The following SLC28A3 variants were observed in gnomAD, a reference collection of about 807,000 sequenced individuals.
SLC28A3 encodes concentrative Na(+)-nucleoside cotransporter 3.
Under a neutral mutation model 84.2 loss-of-function variants are expected in SLC28A3, and 68 were observed. The ratio of observed to expected loss-of-function variants is 0.81; its 90% CI spans 0.66 to 0.99. The LOEUF (loss-of-function observed/expected upper bound fraction) is 0.99, where lower values mean the gene tolerates loss of function less well. Ranked by LOEUF, SLC28A3 falls within the 50% of genes least tolerant of loss-of-function variation. The pLI is 0.00. For synonymous variants in SLC28A3, 267 were observed against 303.6 expected, an observed-to-expected ratio of 0.88 and a Z score of 1.25; for missense variants, 712 against 841.5, an observed-to-expected ratio of 0.85 and a Z score of 1.90.
At chr9:84,278,589 A>G (rs1488670982) in intron 17 of SLC28A3, among the ~76,000 whole-genome samples, 1 of 152,208 alleles carries the variant, frequency 6.6e-6, no homozygotes. Flanking sequence ...AATCCTTATA[A>G]AACACTTGCA....
At chr9:84,354,625 A>G in the SLC28A3 span, among the ~76,000 whole-genome samples, 15 of 152,370 alleles carry the variant, frequency 9.8e-5, no homozygotes, top group Middle Eastern at 6.8e-3. Context: ...CGGCAGGCAG[A>G]TGGCTTGAGC....
At chr9:84,346,989 A>G in the SLC28A3 span, among the ~76,000 whole-genome samples, 1 of 152,128 alleles carries the variant, frequency 6.6e-6, no homozygotes, top group African/African-American at 2.4e-5. Flanking sequence ...AGCCTGGCCA[A>G]CATGGTAAAA....
chr9:84,288,172 A>G lies in SLC28A3; in HGVS notation c.1156T>C (p.Ser386Pro), dbSNP rs200451512. ...LGAYISFGVP[S>P]SHLLTASVMS... ...ACTGACGCTGTTAACAAGTGGGAGG[A>G]TGGAACCTGCAATTTCAGAAGAAAG... The change falls in exon 12 of 18, where the codon TCC becomes CCC. Residue 386 changes from serine to proline, a missense_variant. Ser to Pro is a moderately conservative substitution (Grantham distance 74). Transcript: ENST00000376238. The G allele has an allele frequency of 6.4e-5, 104 of 1,613,894 alleles. No individual in the cohort carries two copies. Among genetic ancestry groups the G allele is most frequent in the Non-Finnish European group, 8.6e-5 (101 of 1,179,908 alleles).
At chr9:84,364,151 G>C in the SLC28A3 span, among the ~76,000 whole-genome samples, 1 of 123,248 alleles carries the variant, frequency 8.1e-6, no homozygotes, top group African/African-American at 3.3e-5. Flanking sequence ...TTGAGATGGC[G>C]TCTTGCTCTG....
chr9:84,339,624 T>A (rs1374124265), intron 1 of SLC28A3, among the ~76,000 whole-genome samples: 1 of 152,216 alleles, frequency 6.6e-6, no homozygotes, highest in Admixed American at 6.5e-5. Context: ...TGGTTTAATT[T>A]GCAGGCCTCA....
chr9:84,361,722 T>A, the SLC28A3 span, among the ~76,000 whole-genome samples: 10 of 151,478 alleles, frequency 6.6e-5, no homozygotes, highest in African/African-American at 2.2e-4. Context: ...AAAGAGGCAA[T>A]ATGAACTTCT....
chr9:84,365,858 C>A, the SLC28A3 span, among the ~76,000 whole-genome samples: 1 of 152,026 alleles, frequency 6.6e-6, no homozygotes, highest in Non-Finnish European at 1.5e-5. Context: ...CGAGACCAGC[C>A]TGACCAACAT....
chr9:84,307,146 A>AAAAC (rs1825822639), intron 3 of SLC28A3, among the ~76,000 whole-genome samples: 1 of 149,436 alleles, frequency 6.7e-6, no homozygotes, highest in Non-Finnish European at 1.5e-5. Flanking sequence ...AAAAAAAAAA[A>AAAAC]AAGGCCAGGC....
Position 84,278,215 on chromosome 9 carries a change from AC to A in SLC28A3, c.*2del, listed in dbSNP as rs779017270. 6.2e-7 allele frequency: 1 copy of A among 1,612,950 alleles called. No individual in the cohort carries two copies. ...CAGAGTTCCACTGGAGAAGTGGCTG[AC>A]CTCAAAATGTATTAGAGATCCCATT... On this transcript the variant is annotated 3_prime_UTR_variant, in exon 18 of 18. Transcript: ENST00000376238.
At chr9:84,344,665 A>T (rs1206969573), upstream of SLC28A3, among the ~76,000 whole-genome samples, 1 of 151,832 alleles carries the variant, frequency 6.6e-6, no homozygotes, top group East Asian at 1.9e-4. Flanking sequence ...ATAAAACTTC[A>T]GAAGAACTTT....
chr9:84,361,196 T>G, the SLC28A3 span, among the ~76,000 whole-genome samples: 5 of 151,892 alleles, frequency 3.3e-5, no homozygotes, highest in Admixed American at 2.6e-4. Flanking sequence ...TACAAAAAAA[T>G]TAGCCGGGTG....
At chr9:84,360,913 AAAT>A in the SLC28A3 span, among the ~76,000 whole-genome samples, 1 of 152,016 alleles carries the variant, frequency 6.6e-6, no homozygotes, top group East Asian at 1.9e-4. Flanking sequence ...CAAAATAAAT[AAAT>A]AATAATAATA....
chr9:84,290,041 CA>C, intron 11 of SLC28A3, 112 bp downstream of exon 11: 3 of 1,416,230 alleles, frequency 2.1e-6, no homozygotes, highest in East Asian at 2.5e-5. Flanking sequence ...TGCCATATGG[CA>C]AAAAAAGACA....
In SLC28A3 at chr9:84,294,942, G is replaced by T. The variant is rs548683240; in HGVS notation, c.862-667C>A. ...GCCCTTTGTTTTGGGTTAAATGAAG[G>T]TTGGGAGGTGGAGGTTGCTGGGGGA... On this transcript the variant is annotated intron_variant, in intron 8 of 17. Coordinates refer to ENST00000376238, the MANE Select transcript of SLC28A3 (RefSeq NM_001199633.2). Among the ~76,000 whole-genome samples, 17 of 152,288 alleles carry T rather than the reference G, an allele frequency of 1.1e-4. No individual in the cohort carries two copies. The East Asian group carries it at 3.3e-3, about 29-fold the overall frequency.
rs1824644858 is a variant in SLC28A3 at position 84,279,300 on chromosome 9, G to C, written c.1914C>G (p.Thr638=). 5.0e-6 allele frequency: 8 copies of C among 1,613,068 alleles called. No individual in the cohort carries two copies. Among genetic ancestry groups the C allele is most frequent in the Non-Finnish European group, 6.8e-6 (8 of 1,179,478 alleles). Residue 638 remains threonine (T), a synonymous_variant, in exon 17 of 18, where the codon ACC becomes ACG. Transcript: ENST00000376238. Reference sequence around the variant, plus strand: ...GACTTTGGCAACAAGCTATCACCTTGGTTGTGTTTCCAGGGAAAGTGGAGT... The same window carrying C: ...GACTTTGGCAACAAGCTATCACCTTCGTTGTGTTTCCAGGGAAAGTGGAGT... ...AFNSTFPGNT[T]KVIACCQSLL...
chr9:84,290,832 A>AAAACAAACAAAC lies in SLC28A3; in HGVS notation c.1024-565_1024-554dup, dbSNP rs59932389. Among the ~76,000 whole-genome samples the AAAACAAACAAAC allele has an allele frequency of 9.2e-3, 1,392 of 150,918 alleles. 17 individuals carry two copies. Among genetic ancestry groups the AAAACAAACAAAC allele is most frequent in the African/African-American group, 0.022 (905 of 40,844 alleles). ...CTCAGAGAAATAGACACAAGCATTAAAAACAAACAAACAAACAAACAAACA... is the reference window on the plus strand; with the variant it reads ...CTCAGAGAAATAGACACAAGCATTAAAAACAAACAAACAAACAAACAAACAAACAAACAAACA... On this transcript the variant is annotated intron_variant, in intron 10 of 17. Coordinates refer to ENST00000376238, the MANE Select transcript of SLC28A3 (RefSeq NM_001199633.2).
chr9:84,322,596 G>A (rs1826415395), intron 1 of SLC28A3, among the ~76,000 whole-genome samples: 1 of 152,146 alleles, frequency 6.6e-6, no homozygotes, highest in East Asian at 1.9e-4. Flanking sequence ...CATAATCCCA[G>A]CACTTTGGGA....
rs553116556 is a variant in SLC28A3, at chr9:84,322,173, C to T, written c.61-8719G>A. On this transcript the variant is annotated intron_variant, in intron 1 of 17. Coordinates refer to ENST00000376238, the MANE Select transcript of SLC28A3 (RefSeq NM_001199633.2). ...GTCAGAGTGGTCATGAAATGATTGA[C>T]TTCTAAATTCAAGAACAGGAAATAT... Among the ~76,000 whole-genome samples, 14 of 152,296 alleles carry T rather than the reference C, an allele frequency of 9.2e-5. 1 individual carries two copies. Among genetic ancestry groups the T allele is most frequent in the South Asian group, 6.2e-4 (3 of 4,826 alleles).
intron 1 of SLC28A3, among the ~76,000 whole-genome samples, chr9:84,335,551 T>A (rs755701462): frequency 1.3e-4 from 20 of 152,064 alleles, no homozygotes; most frequent in African/African-American, 3.1e-4. Context: ...CTGTCTCTAT[T>A]TAAAACAACA....
Sources: gnomAD v4.1 joint callset for allele counts (sites outside exome capture counted in the v4.1 genomes callset) on GRCh38, gnomAD v4.1.1 for gene constraint, MANE v1.5 for transcripts, NCBI Gene and HGNC (gene_info 2026-07-23, HGNC 2026-07-21) for gene names.